NCOA2: variants seen among roughly 807,000 people sequenced by gnomAD.
NCOA2 encodes the protein class E basic helix-loop-helix protein 75.
Under a neutral mutation model 145.1 loss-of-function variants are expected in NCOA2, and 21 were observed. The ratio of observed to expected loss-of-function variants is 0.14; its 90% CI spans 0.10 to 0.21. The LOEUF is 0.21. Ranked by LOEUF, NCOA2 falls within the 10% of genes least tolerant of loss-of-function variation. The probability of loss-of-function intolerance (pLI) is 1.00; values close to 1 mark genes in which losing one functional copy is unlikely to be tolerated. For synonymous variants in NCOA2, 619 were observed against 637.5 expected, an observed-to-expected ratio of 0.97 and a Z score of 0.44; for missense variants, 1,472 against 1,837.6, an observed-to-expected ratio of 0.80 and a Z score of 3.64.
At chr8:70,277,551 T>TC (rs1825557102) in intron 2 of NCOA2, among the ~76,000 whole-genome samples, 1 of 152,206 alleles carries the variant, frequency 6.6e-6, no homozygotes. Flanking sequence ...TTCTTTACCT[T>TC]CCTAAATGGT....
At chr8:70,418,668 G>A in the NCOA2 span, among the ~76,000 whole-genome samples, 1 of 152,114 alleles carries the variant, frequency 6.6e-6, no homozygotes, top group Admixed American at 6.5e-5. Flanking sequence ...CATGAAAGAA[G>A]CAGCATTTAC....
In NCOA2 at chr8:70,300,352, T is replaced by C. The variant is rs76518800; in HGVS notation, c.-76-3552A>G. On this transcript the variant is annotated intron_variant, in intron 1 of 22. Transcript: ENST00000452400. ...AAAAAAATTTTAATGTTAAAAAATATTTTAGTGATTTTTCACAAATGCACC... is the reference window on the plus strand; with the variant it reads ...AAAAAAATTTTAATGTTAAAAAATACTTTAGTGATTTTTCACAAATGCACC... Among the ~76,000 whole-genome samples, 595 of 152,318 alleles carry C rather than the reference T, an allele frequency of 3.9e-3. 10 individuals are homozygous for C. The highest frequency in any genetic ancestry group is 0.014 in the African/African-American group (570 of 41,570).
At chr8:70,205,536 C>T (rs750659343) in intron 4 of NCOA2, among the ~76,000 whole-genome samples, 2 of 151,832 alleles carry the variant, frequency 1.3e-5, no homozygotes, top group African/African-American at 2.4e-5. Flanking sequence ...ACACTACAAA[C>T]GCAGAATAGC....
At chr8:70,213,755 T>G in intron 4 of NCOA2, 148 bp downstream of exon 4, 1 of 682,786 alleles carries the variant, frequency 1.5e-6, no homozygotes, top group Non-Finnish European at 2.4e-6. Flanking sequence ...CTGCAAGTGA[T>G]ACTTGCATTC....
At chr8:70,261,162 T>C (rs1332057321) in intron 2 of NCOA2, among the ~76,000 whole-genome samples, 4 of 152,208 alleles carry the variant, frequency 2.6e-5, no homozygotes, top group East Asian at 1.9e-4. Context: ...CATATGTTTA[T>C]TGCGGCACTA....
intron 2 of NCOA2, among the ~76,000 whole-genome samples, chr8:70,243,460 C>A (rs1822330707): frequency 6.6e-6 from 1 of 152,136 alleles, no homozygotes; most frequent in South Asian, 2.1e-4. Flanking sequence ...GATTAAATAT[C>A]TTATTTGTCT....
chr8:70,176,135 G>A (rs1814813561), intron 4 of NCOA2, among the ~76,000 whole-genome samples: 1 of 152,170 alleles, frequency 6.6e-6, no homozygotes, highest in Admixed American at 6.5e-5. Flanking sequence ...GGGATGGTAT[G>A]TGAAACACTC....
intron 2 of NCOA2, among the ~76,000 whole-genome samples, chr8:70,262,134 C>T (rs1031193258): frequency 2.6e-5 from 4 of 152,172 alleles, no homozygotes; most frequent in Admixed American, 6.5e-5. Flanking sequence ...TTGAGACCAG[C>T]GAATATTTAT....
intron 1 of NCOA2, among the ~76,000 whole-genome samples, chr8:70,337,731 C>G (rs1054641930): frequency 2.6e-5 from 4 of 152,088 alleles, no homozygotes; most frequent in African/African-American, 9.7e-5. Context: ...TGCAAAAGAA[C>G]TGGTCATAAC....
At chr8:70,304,676 T>A (rs113508095) in intron 1 of NCOA2, among the ~76,000 whole-genome samples, 11,873 of 151,680 alleles carry the variant, frequency 0.078, 600 homozygotes, top group East Asian at 0.16. Flanking sequence ...GTTTTTTTTT[T>A]AGTAGAGACA....
chr8:70,213,736 T>A (rs915122281), intron 4 of NCOA2, among the ~76,000 whole-genome samples, 167 bp downstream of exon 4: 2 of 152,220 alleles, frequency 1.3e-5, no homozygotes, highest in African/African-American at 2.4e-5. Context: ...AAAGCCTATT[T>A]ATAAACCACT....
At chr8:70,435,291 G>A in the NCOA2 span, among the ~76,000 whole-genome samples, 1 of 150,222 alleles carries the variant, frequency 6.7e-6, no homozygotes, top group East Asian at 1.9e-4. Context: ...CGGGCGTGGT[G>A]GTGGGCGCCT....
chr8:70,236,611 C>T (rs1821629817), intron 2 of NCOA2, among the ~76,000 whole-genome samples: 2 of 152,108 alleles, frequency 1.3e-5, no homozygotes, highest in Non-Finnish European at 1.5e-5. Flanking sequence ...ATACAGCTGG[C>T]CCTCTCCGTA....
At chr8:70,120,894 C>A (rs1807730698) in intron 22 of NCOA2, among the ~76,000 whole-genome samples, 1 of 152,032 alleles carries the variant, frequency 6.6e-6, no homozygotes, top group Non-Finnish European at 1.5e-5. Context: ...TAAGTTAATT[C>A]CTCTTAATCC....
At chr8:70,440,625 G>GAGAA in the NCOA2 span, among the ~76,000 whole-genome samples, 1 of 143,514 alleles carries the variant, frequency 7.0e-6, no homozygotes, top group Non-Finnish European at 1.6e-5. Flanking sequence ...GAGAGAGCGA[G>GAGAA]AGAAAGAAAG....
upstream of NCOA2, among the ~76,000 whole-genome samples, chr8:70,404,148 T>G (rs1814645348): frequency 6.7e-6 from 1 of 150,316 alleles, no homozygotes. Context: ...CGGGGAGAGG[T>G]GAAGAAGAGT....
At chr8:70,159,243 T>TATATATATATATATATATA (rs869045939) in intron 10 of NCOA2, among the ~76,000 whole-genome samples, 62 of 82,036 alleles carry the variant, frequency 7.6e-4, no homozygotes, top group African/African-American at 2.4e-3. Context: ...TATATATATA[T>TATATATATATATATATATA]TTTTTTTTTT....
In NCOA2 at chr8:70,148,371, T is replaced by C. The variant is rs1437858517; in HGVS notation, c.2507A>G (p.Lys836Arg). The change falls in exon 12 of 23, where the codon AAG (lysine) becomes AGG (arginine). Residue 836 changes from lysine (K) to arginine (R), a missense_variant. This residue lies in a region of NCOA2 where 953 missense variants were observed against 1,062.1 expected (regional missense o/e 0.90). Transcript: ENST00000452400. ...CATGAGGTCATTGATGATGGCTTGC[T>C]TGTCAACTGATCCAGCAGGGGCGCC... ...RPGAPAGSVD[K>R]QAIINDLMQL... The C allele has an allele frequency of 6.2e-7, 1 of 1,613,928 alleles. No individual in the cohort carries two copies. Among genetic ancestry groups the C allele is most frequent in the Non-Finnish European group, 8.5e-7 (1 of 1,179,902 alleles).
Position 70,260,626 on chromosome 8 carries a change from G to A in NCOA2, c.-20+36118C>T, listed in dbSNP as rs535902197. ...GAACAAATTAACTGTTCAACTTCTA[G>A]TGTTAACTATCACAAGCACAATTAT... On this transcript the variant is annotated intron_variant, in intron 2 of 22. Transcript: ENST00000452400. 1.1e-3 allele frequency among the ~76,000 whole-genome samples: 173 copies of A among 152,258 alleles called. 1 individual carries two copies. Among genetic ancestry groups the A allele is most frequent in the Non-Finnish European group, 2.3e-3 (154 of 68,024 alleles).
Sources: gnomAD v4.1 joint callset for allele counts (sites outside exome capture counted in the v4.1 genomes callset) on GRCh38, gnomAD v4.1.1 for gene constraint, gnomAD v4.1.1 regional missense constraint, MANE v1.5 for transcripts, NCBI Gene and HGNC (gene_info 2026-07-23, HGNC 2026-07-21) for gene names.